BRAF: variants seen among roughly 807,000 people sequenced by gnomAD.
The protein encoded by BRAF is B-Raf proto-oncogene, serine/threonine kinase.
A neutral mutation model predicts 104.6 loss-of-function variants in BRAF; 16 were observed. That is an observed-to-expected ratio of 0.15 (90% CI 0.10 to 0.23). The LOEUF (loss-of-function observed/expected upper bound fraction) is 0.23. BRAF is among the 10% of genes least tolerant of loss of function. The pLI, the probability that BRAF is intolerant of heterozygous loss-of-function variation, is 1.00. For missense variants in BRAF, 541 were observed against 937.3 expected (o/e 0.58, Z 5.52); for synonymous variants, 310 against 341.6 (o/e 0.91, Z 1.02).
At chr7:140,781,779 T>G in intron 11 of BRAF, 86 bp from the exon 11 acceptor site, 1 of 1,057,528 alleles carries the variant, frequency 9.5e-7, no homozygotes, top group East Asian at 2.4e-5. Flanking sequence ...ACCTTATGCC[T>G]GAGAGGGATA....
At chr7:140,798,860 T>C (rs1263909409) in intron 7 of BRAF, among the ~76,000 whole-genome samples, 1 of 152,028 alleles carries the variant, frequency 6.6e-6, no homozygotes, top group Non-Finnish European at 1.5e-5. Context: ...TATTTTTATT[T>C]TTTTGAGACA....
chr7:140,765,458 C>T (rs1201635651), intron 14 of BRAF, among the ~76,000 whole-genome samples: 8 of 152,068 alleles, frequency 5.3e-5, no homozygotes, highest in Non-Finnish European at 8.8e-5. Context: ...TGGGATCTAA[C>T]TAAACTAAAG....
intron 14 of BRAF, among the ~76,000 whole-genome samples, chr7:140,775,858 AAGATCTAAGAGCC>A (rs1800292594): frequency 6.6e-6 from 1 of 152,220 alleles, no homozygotes. Flanking sequence ...GTATAGTTGG[AAGATCTAAGAGCC>A]AGATCTGGTT....
At chr7:140,811,227 T>C (rs1441935833) in intron 3 of BRAF, among the ~76,000 whole-genome samples, 4 of 152,166 alleles carry the variant, frequency 2.6e-5, no homozygotes, top group African/African-American at 4.8e-5. Flanking sequence ...ATGTGAAGGA[T>C]CTGGGGTCTG....
chr7:140,922,261 A>G (rs911839291), intron 1 of BRAF, among the ~76,000 whole-genome samples: 1 of 152,234 alleles, frequency 6.6e-6, no homozygotes, highest in Non-Finnish European at 1.5e-5. Flanking sequence ...AATTACTGGC[A>G]ATTTATACTT....
At chr7:140,736,231 C>A (rs113277071) in intron 18 of BRAF, among the ~76,000 whole-genome samples, 6 of 142,844 alleles carry the variant, frequency 4.2e-5, no homozygotes, top group African/African-American at 1.5e-4. Flanking sequence ...CCACCACGCC[C>A]GGATAATTTT....
intron 1 of BRAF, among the ~76,000 whole-genome samples, chr7:140,886,506 T>C (rs147555075): frequency 1.3e-5 from 2 of 152,326 alleles, no homozygotes; most frequent in Admixed American, 6.5e-5. Flanking sequence ...CTATTCATTC[T>C]ATGCCATACT....
intron 1 of BRAF, among the ~76,000 whole-genome samples, chr7:140,910,959 C>T (rs1218002332): frequency 6.6e-6 from 1 of 152,134 alleles, no homozygotes; most frequent in Non-Finnish European, 1.5e-5. Flanking sequence ...GCCACCACAT[C>T]CAACCAAAAC....
Position 140,725,448 on chromosome 7 carries a change from T to C in BRAF, c.*1046A>G. On this transcript the variant is annotated 3_prime_UTR_variant, in exon 20 of 20. Coordinates refer to ENST00000644969, the MANE Select transcript of BRAF (RefSeq NM_001374258.1). ...ATTGTTTTTTTCCAATTCAATTAAA[T>C]CTGAAAATTATTTTCTTTTTAATAA... is the stretch of plus-strand genomic sequence containing the variant. 5.3e-6 allele frequency: 5 copies of C among 935,736 alleles called. No individual in the cohort carries two copies. In the South Asian group the frequency reaches 2.0e-4, roughly 38 times the overall value. The allele number at this position is 935,736 out of a possible 1,614,324, so 58.0% of individuals were successfully genotyped here.
chr7:140,748,861 A>G (rs1797560811), intron 17 of BRAF: 1 of 157,728 alleles, frequency 6.3e-6, no homozygotes, highest in South Asian at 1.9e-4. Context: ...ACCTAGTTTT[A>G]AAAATTAAAG....
At chr7:140,910,857 G>A (rs1235982364) in intron 1 of BRAF, among the ~76,000 whole-genome samples, 3 of 151,776 alleles carry the variant, frequency 2.0e-5, no homozygotes, top group African/African-American at 7.3e-5. Context: ...TAGAGACAGG[G>A]GCTCGCTATG....
chr7:140,916,515 T>C (rs1046282010), intron 1 of BRAF, among the ~76,000 whole-genome samples: 14 of 152,242 alleles, frequency 9.2e-5, no homozygotes, highest in African/African-American at 2.2e-4. Flanking sequence ...ATTGACACTT[T>C]CGGTGACTTT....
intron 3 of BRAF, among the ~76,000 whole-genome samples, chr7:140,814,623 C>T (rs139587929): frequency 0.028 from 4,167 of 151,028 alleles, 204 homozygotes; most frequent in African/African-American, 0.094. Flanking sequence ...CAAGACTGTG[C>T]CACTGCACTC....
intron 1 of BRAF, among the ~76,000 whole-genome samples, chr7:140,905,630 C>G (rs1288839859): frequency 6.6e-6 from 1 of 152,150 alleles, no homozygotes; most frequent in Admixed American, 6.5e-5. Context: ...TTTAATGTAG[C>G]TGGTGATATG....
intron 1 of BRAF, among the ~76,000 whole-genome samples, chr7:140,914,104 G>A (rs1817318515): frequency 6.6e-6 from 1 of 152,156 alleles, no homozygotes; most frequent in Non-Finnish European, 1.5e-5. Context: ...ATTTCTGAAA[G>A]GAAATTTTTA....
chr7:140,774,552 C>G (rs548569224), intron 14 of BRAF, among the ~76,000 whole-genome samples: 2 of 152,184 alleles, frequency 1.3e-5, no homozygotes, highest in Non-Finnish European at 2.9e-5. Flanking sequence ...GGGTCTCGCT[C>G]TGTTACCCAG....
At chr7:140,815,672 G>A (rs1804804152) in intron 3 of BRAF, among the ~76,000 whole-genome samples, 1 of 147,614 alleles carries the variant, frequency 6.8e-6, no homozygotes, top group African/African-American at 2.5e-5. Context: ...CTTACCTCAA[G>A]TGACCCGCCT....
At chr7:140,853,722 C>T (rs1053531178) in intron 1 of BRAF, among the ~76,000 whole-genome samples, 13 of 152,276 alleles carry the variant, frequency 8.5e-5, no homozygotes, top group South Asian at 4.1e-4. Flanking sequence ...AAGGCTCTAT[C>T]CCTCCCATTC....
At chr7:140,762,767 T>TTTGTGTTCCTGGGTAC (rs1322860501) in intron 14 of BRAF, among the ~76,000 whole-genome samples, 1 of 152,144 alleles carries the variant, frequency 6.6e-6, no homozygotes, top group African/African-American at 2.4e-5. Context: ...TTCCGCAGTG[T>TTTGTGTTCCTGGGTAC]TTGTGTTCCT....
Sources: gnomAD v4.1 joint callset for allele counts (sites outside exome capture counted in the v4.1 genomes callset) on GRCh38, gnomAD v4.1.1 for gene constraint, MANE v1.5 for transcripts, NCBI Gene and HGNC (gene_info 2026-07-23, HGNC 2026-07-21) for gene names.